The following GALNT13 variants were observed in gnomAD, a reference collection of about 807,000 sequenced individuals.
The protein encoded by GALNT13 is polypeptide N-acetylgalactosaminyltransferase 13.
In GALNT13, 28 loss-of-function variants were observed where a neutral mutation model predicts 64.2. The observed-to-expected ratio is 0.44, with a 90% CI of 0.32 to 0.60. The LOEUF (loss-of-function observed/expected upper bound fraction) is 0.60, where lower values mean the gene tolerates loss of function less well. Ranked by LOEUF, GALNT13 falls within the 20% of genes least tolerant of loss-of-function variation. The pLI is 0.05. For synonymous variants in GALNT13, 214 were observed against 224.6 expected (o/e 0.95, Z 0.42); for missense variants, 577 against 669.8 (o/e 0.86, Z 1.53).
At chr2:154,048,646 AC>A (rs1699410554) in intron 3 of GALNT13, among the ~76,000 whole-genome samples, 1 of 152,104 alleles carries the variant, frequency 6.6e-6, no homozygotes, top group Admixed American at 6.6e-5. Flanking sequence ...GCCATGAAAA[AC>A]ATAATTGACT....
chr2:153,484,404 G>A, the GALNT13 span, among the ~76,000 whole-genome samples: 1 of 151,916 alleles, frequency 6.6e-6, no homozygotes, highest in African/African-American at 2.4e-5. Context: ...TATTGTTATT[G>A]AATTAATTAT....
At chr2:154,110,485 G>GAGAGCC (rs1163227253) in intron 3 of GALNT13, among the ~76,000 whole-genome samples, 1 of 150,608 alleles carries the variant, frequency 6.6e-6, no homozygotes, top group African/African-American at 2.4e-5. Context: ...GAGGAAGAAG[G>GAGAGCC]AGAGCCAGTC....
chr2:154,023,753 AT>A (rs1697716799), intron 3 of GALNT13, among the ~76,000 whole-genome samples: 1 of 152,028 alleles, frequency 6.6e-6, no homozygotes, highest in Non-Finnish European at 1.5e-5. Context: ...TTAGCTGGTT[AT>A]TTTGCTCGTT....
At chr2:153,384,763 T>C in the GALNT13 span, among the ~76,000 whole-genome samples, 1 of 152,070 alleles carries the variant, frequency 6.6e-6, no homozygotes, top group African/African-American at 2.4e-5. Flanking sequence ...TTGCTTCAGA[T>C]TTTTACATAT....
At chr2:154,067,525 A>G (rs1180100298) in intron 3 of GALNT13, among the ~76,000 whole-genome samples, 1 of 144,464 alleles carries the variant, frequency 6.9e-6, no homozygotes, top group African/African-American at 2.4e-5. Context: ...AGACAAAACT[A>G]TAAGAAGAGA....
At chr2:153,262,492 C>CA in the GALNT13 span, among the ~76,000 whole-genome samples, 1 of 151,970 alleles carries the variant, frequency 6.6e-6, no homozygotes, top group Non-Finnish European at 1.5e-5. Flanking sequence ...AGAAATACAA[C>CA]AAAAAAGGAA....
At chr2:153,219,921 C>T in the GALNT13 span, among the ~76,000 whole-genome samples, 1 of 152,168 alleles carries the variant, frequency 6.6e-6, no homozygotes, top group Non-Finnish European at 1.5e-5. Context: ...TAAGGTGCTG[C>T]TCTAAAATGT....
chr2:153,325,114 G>GTT, the GALNT13 span, among the ~76,000 whole-genome samples: 73 of 72,676 alleles, frequency 1.0e-3, 2 homozygotes, highest in East Asian at 0.013. Flanking sequence ...CTGGACCTGG[G>GTT]TTTTTTTTTT....
At chr2:154,154,194 C>T (rs1309615395) in intron 4 of GALNT13, among the ~76,000 whole-genome samples, 1 of 151,964 alleles carries the variant, frequency 6.6e-6, no homozygotes, top group African/African-American at 2.4e-5. Flanking sequence ...GAGTTCACAG[C>T]AATTAAATCT....
chr2:154,239,608 A>G (rs923642637), intron 4 of GALNT13, among the ~76,000 whole-genome samples: 1 of 152,332 alleles, frequency 6.6e-6, no homozygotes, highest in East Asian at 1.9e-4. Context: ...GATGAAGTTC[A>G]TAGAAATCTT....
chr2:153,613,887 A>G, the GALNT13 span, among the ~76,000 whole-genome samples: 1 of 152,116 alleles, frequency 6.6e-6, no homozygotes, highest in Non-Finnish European at 1.5e-5. Context: ...AGGGAGGGAT[A>G]GCATCAGGAG....
At chr2:153,635,031 G>A in the GALNT13 span, among the ~76,000 whole-genome samples, 3 of 152,040 alleles carry the variant, frequency 2.0e-5, no homozygotes, top group Non-Finnish European at 2.9e-5. Flanking sequence ...ATTTTAGAAA[G>A]CATTAGTTTC....
At chr2:153,681,270 T>C in the GALNT13 span, among the ~76,000 whole-genome samples, 4 of 151,842 alleles carry the variant, frequency 2.6e-5, no homozygotes, top group Non-Finnish European at 5.9e-5. Context: ...CAAGTAGATA[T>C]TTGATCCTGT....
the GALNT13 span, among the ~76,000 whole-genome samples, chr2:153,858,975 CTG>C: frequency 6.6e-6 from 1 of 152,158 alleles, no homozygotes; most frequent in African/African-American, 2.4e-5. Context: ...CTCAGGTGAT[CTG>C]CCCGCCTTGG....
chr2:154,245,674 T>C, intron 6 of GALNT13, 138 bp from the exon 7 acceptor site: 1 of 551,764 alleles, frequency 1.8e-6, no homozygotes, highest in Non-Finnish European at 3.2e-6. Context: ...CATGGACTAA[T>C]AGGATAAAAT....
the GALNT13 span, among the ~76,000 whole-genome samples, chr2:153,464,528 T>C: frequency 2.6e-5 from 4 of 152,252 alleles, no homozygotes; most frequent in South Asian, 8.3e-4. Flanking sequence ...AATCAAACTC[T>C]AGCACTCACA....
chr2:153,574,940 T>A, the GALNT13 span, among the ~76,000 whole-genome samples: 1 of 152,118 alleles, frequency 6.6e-6, no homozygotes, highest in African/African-American at 2.4e-5. Context: ...TGCTCCTTAA[T>A]GTTGAATGTT....
chr2:154,348,570 C>T (rs1159630842), intron 9 of GALNT13, among the ~76,000 whole-genome samples: 1 of 151,918 alleles, frequency 6.6e-6, no homozygotes, highest in Admixed American at 6.6e-5. Flanking sequence ...GGAGCCCTGA[C>T]CCCGAAGTCT....
the GALNT13 span, chr2:153,421,444 G>T: frequency 4.5e-6 from 1 of 223,034 alleles, no homozygotes; most frequent in East Asian, 1.1e-4. Context: ...GAGTTGTAGA[G>T]CTCAACCGCA....
Sources: gnomAD v4.1 joint callset for allele counts (sites outside exome capture counted in the v4.1 genomes callset) on GRCh38, gnomAD v4.1.1 for gene constraint, MANE v1.5 for transcripts, NCBI Gene and HGNC (gene_info 2026-07-23, HGNC 2026-07-21) for gene names.